The following CPLANE1 variants were observed in gnomAD, a reference collection of about 807,000 sequenced individuals.
CPLANE1 encodes ciliogenesis and planar polarity effector 1.
In CPLANE1, 263 loss-of-function variants were observed where a neutral mutation model predicts 362.5. The ratio of observed to expected loss-of-function variants is 0.73; its 90% CI spans 0.66 to 0.80. The LOEUF is 0.80. CPLANE1 is among the 30% of genes least tolerant of loss of function. CPLANE1 has a pLI of 0.00. For synonymous variants in CPLANE1, 1,212 were observed against 1,302.6 expected (o/e 0.93, Z 1.50); for missense variants, 3,461 against 3,793.4 (o/e 0.91, Z 2.30).
rs1360544370 is a variant in CPLANE1, at chr5:37,183,154, C to T, written c.5027G>A (p.Gly1676Glu). The change falls in exon 26 of 53, where the codon GGA becomes GAA. Residue 1676 changes from glycine to glutamate, a missense_variant. Physicochemically the swap from Gly to Glu is moderately conservative, Grantham distance 98. Around this residue, in one of 2 missense-constraint regions of CPLANE1, gnomAD observed 3,380 missense variants for 3,666.1 expected, o/e 0.92. Transcript: ENST00000651892. ...TGACCTTTGTTTTAAACCAAATAAT[C>T]CACTCATTCCTTCATTCTTATTGAC... Reference protein sequence around the residue: ...NEVNKNEGMSGLFGLKQRSIY... With the variant: ...NEVNKNEGMSELFGLKQRSIY... 1.2e-6 allele frequency: 2 copies of T among 1,612,066 alleles called. No homozygotes were observed. Among genetic ancestry groups the T allele is most frequent in the East Asian group, 2.2e-5 (1 of 44,850 alleles).
At chr5:37,232,521 GAAAAAA>G (rs36033877) in intron 8 of CPLANE1, among the ~76,000 whole-genome samples, 1 of 119,540 alleles carries the variant, frequency 8.4e-6, no homozygotes. Flanking sequence ...CATCTTGGGG[GAAAAAA>G]AAAAAAAAAA....
chr5:37,194,462 G>A (rs1045434754), intron 21 of CPLANE1, among the ~76,000 whole-genome samples: 5 of 152,094 alleles, frequency 3.3e-5, no homozygotes, highest in African/African-American at 1.2e-4. Flanking sequence ...AGAAATAAAT[G>A]AGATTGTACA....
the CPLANE1 span, among the ~76,000 whole-genome samples, chr5:37,076,776 A>AT: frequency 6.7e-6 from 1 of 150,128 alleles, no homozygotes; most frequent in Non-Finnish European, 1.5e-5. Flanking sequence ...TTTCTCTATT[A>AT]TTTTGCCTAT....
intron 51 of CPLANE1, among the ~76,000 whole-genome samples, chr5:37,108,817 GAA>G (rs1353383564): frequency 6.6e-6 from 1 of 152,208 alleles, no homozygotes; most frequent in African/African-American, 2.4e-5. Context: ...GTCTTTTACA[GAA>G]AGTCTTGTGA....
rs373092283 is a variant in CPLANE1, at chr5:37,138,034, C to T, written c.8792+686G>A. 3.3e-4 allele frequency among the ~76,000 whole-genome samples: 50 copies of T among 151,870 alleles called. 2 individuals carry two copies. The South Asian group carries it at 9.4e-3, about 28-fold the overall frequency. On this transcript the variant is annotated intron_variant, in intron 46 of 52. Transcript: ENST00000651892. ...TATATTCTGTGGTTGATGGGTGGAG[C>T]GTTCTACAGATGTTTATTAGGTTCA...
At position 37,182,868 on chromosome 5, in the gene CPLANE1, G is replaced by A. The variant is rs775670942; in HGVS notation, c.5313C>T (p.Tyr1771=). 6 of 1,609,616 alleles carry A rather than the reference G, an allele frequency of 3.7e-6. No homozygotes were observed. Among genetic ancestry groups the A allele is most frequent in the Non-Finnish European group, 5.1e-6 (6 of 1,178,854 alleles). ...AGGTCTTTACACGAATTACTGGACTGTACTCAGAGGATGACTCAGTTATAC... is the reference window on the plus strand; with the variant it reads ...AGGTCTTTACACGAATTACTGGACTATACTCAGAGGATGACTCAGTTATAC... ...DSGITESSSE[Y]SPVIRVKTST... is the part of the protein sequence containing the mutation. Residue 1771 remains tyrosine (Y), a synonymous_variant, in exon 26 of 53, where the codon TAC becomes TAT. Coordinates refer to ENST00000651892, the MANE Select transcript of CPLANE1 (RefSeq NM_001384732.1).
chr5:37,171,522 C>A (rs1380686533), intron 32 of CPLANE1, among the ~76,000 whole-genome samples: 18 of 152,160 alleles, frequency 1.2e-4, no homozygotes, highest in Non-Finnish European at 1.2e-4. Flanking sequence ...AAGGTAAAGA[C>A]TTCAAAGTGA....
chr5:37,243,160 GAAAAT>G, intron 5 of CPLANE1, 41 bp from the exon 6 acceptor site: 1 of 1,179,900 alleles, frequency 8.5e-7, no homozygotes, highest in Non-Finnish European at 1.2e-6. Flanking sequence ...AAATTAATCT[GAAAAT>G]AAATCAAGAT....
At chr5:37,084,381 A>T in the CPLANE1 span, among the ~76,000 whole-genome samples, 1 of 152,158 alleles carries the variant, frequency 6.6e-6, no homozygotes, top group Non-Finnish European at 1.5e-5. Context: ...AAAAACAAAA[A>T]CAAAAAACCA....
intron 47 of CPLANE1, chr5:37,124,931 T>A: frequency 9.2e-7 from 1 of 1,086,850 alleles, no homozygotes; most frequent in Non-Finnish European, 1.1e-6. Flanking sequence ...ATGACTCTCA[T>A]TGAAAATTAA....
At chr5:37,221,540 T>C (rs1270643991) in intron 14 of CPLANE1, 52 bp from the exon 15 acceptor site, 7 of 1,283,934 alleles carry the variant, frequency 5.5e-6, no homozygotes, top group Admixed American at 3.4e-5. Flanking sequence ...AGGAATGCCC[T>C]TGGTGTAGTG....
At chr5:37,169,969 C>G in intron 33 of CPLANE1, 72 bp downstream of exon 33, 2 of 1,465,440 alleles carry the variant, frequency 1.4e-6, no homozygotes, top group Non-Finnish European at 1.9e-6. Flanking sequence ...TCAGGTGTGG[C>G]CTGCCAAAGT....
Position 37,226,938 on chromosome 5 carries a change from T to C in CPLANE1, c.1657A>G (p.Ile553Val). The C allele has an allele frequency of 6.4e-7, 1 of 1,551,980 alleles. No individual in the cohort carries two copies. The highest frequency in any genetic ancestry group is 8.7e-7 in the Non-Finnish European group (1 of 1,147,018). The change falls in exon 12 of 53, where the codon ATA becomes GTA. Residue 553 changes from isoleucine (I) to valine (V), a missense_variant. Ile to Val is a conservative substitution (Grantham distance 29, BLOSUM62 3). Coordinates refer to ENST00000651892, the MANE Select transcript of CPLANE1 (RefSeq NM_001384732.1). ...TCCTCACTATCATCCTTTGCATGTA[T>C]CGTATCAAACATAGATGCAAATTCC... ...RLEFASMFDT[I>V]HAKDDSEETD...
intron 6 of CPLANE1, 54 bp downstream of exon 6, chr5:37,242,959 C>A (rs189788211): frequency 5.4e-6 from 7 of 1,286,516 alleles, no homozygotes; most frequent in Non-Finnish European, 7.6e-6. Context: ...AAGACCCTGC[C>A]TCCAAAAGAA....
At chr5:37,179,826 G>A (rs954967441) in intron 28 of CPLANE1, among the ~76,000 whole-genome samples, 191 bp downstream of exon 28, 1 of 151,962 alleles carries the variant, frequency 6.6e-6, no homozygotes, top group African/African-American at 2.4e-5. Context: ...GATCTTCTTG[G>A]TTTTATTAAA....
In CPLANE1 at chr5:37,162,511, T is replaced by C. The variant is rs747730870; in HGVS notation, c.7644A>G (p.Lys2548=). Reference sequence around the variant, plus strand: ...CATCTTGACTTCCTATAGCTTTCTTTTTTACAGAGGCCATGAAATGCAATC... The same window carrying C: ...CATCTTGACTTCCTATAGCTTTCTTCTTTACAGAGGCCATGAAATGCAATC... ...SAGLHFMASV[K]KKAIGSQDAS... Residue 2548 remains lysine (K), a synonymous_variant, in exon 38 of 53, where the codon AAA becomes AAG. Transcript: ENST00000651892. 1.9e-6 allele frequency: 3 copies of C among 1,613,270 alleles called. No individual in the cohort carries two copies. Among genetic ancestry groups the C allele is most frequent in the African/African-American group, 2.7e-5 (2 of 75,022 alleles).
chr5:37,112,435 G>A (rs1342786625), intron 51 of CPLANE1, among the ~76,000 whole-genome samples: 1 of 152,168 alleles, frequency 6.6e-6, no homozygotes, highest in Non-Finnish European at 1.5e-5. Context: ...GCATGCATAA[G>A]ACTTTTCAAG....
chr5:37,175,015 G>A (rs957622046), intron 31 of CPLANE1, among the ~76,000 whole-genome samples: 1 of 152,146 alleles, frequency 6.6e-6, no homozygotes, highest in Admixed American at 6.5e-5. Flanking sequence ...AAGAGTAAGC[G>A]GAGCCAAAGA....
the CPLANE1 span, among the ~76,000 whole-genome samples, chr5:37,091,491 C>T: frequency 6.6e-6 from 1 of 152,270 alleles, no homozygotes; most frequent in Admixed American, 6.5e-5. Context: ...CATAGTAGAA[C>T]GTGCCCACTC....
Sources: allele counts gnomAD v4.1 joint callset (sites outside exome capture counted in the v4.1 genomes callset), GRCh38; gene constraint gnomAD v4.1.1; regional missense constraint gnomAD v4.1.1; transcripts MANE v1.5; gene names NCBI Gene and HGNC (gene_info 2026-07-23, HGNC 2026-07-21).